The following RSRC1 variants were observed in gnomAD, a reference collection of about 807,000 sequenced individuals.
RSRC1 encodes serine/Arginine-related protein 53.
RSRC1 carries 39 observed loss-of-function variants against 49.1 expected under a neutral mutation model. The ratio of observed to expected loss-of-function variants is 0.79; its 90% CI spans 0.61 to 1.04. The LOEUF (loss-of-function observed/expected upper bound fraction) is 1.04, where lower values mean the gene tolerates loss of function less well. Among genes scored for constraint, RSRC1 ranks in the 50% least tolerant of loss-of-function variants. The pLI is 0.00. For synonymous variants in RSRC1, 143 were observed against 130.8 expected, an observed-to-expected ratio of 1.09 and a Z score of -0.63; for missense variants, 388 against 402.4, an observed-to-expected ratio of 0.96 and a Z score of 0.31.
At chr3:158,175,483 A>AT (rs138435487) in intron 3 of RSRC1, among the ~76,000 whole-genome samples, 18,465 of 150,986 alleles carry the variant, frequency 0.12, 1,399 homozygotes, top group Middle Eastern at 0.2. Flanking sequence ...GTATGGTATG[A>AT]TTTTTTTTTG....
intron 7 of RSRC1, among the ~76,000 whole-genome samples, chr3:158,531,600 A>G (rs571639083): frequency 5.3e-5 from 8 of 151,838 alleles, no homozygotes; most frequent in African/African-American, 1.9e-4. Context: ...TAAGCTTCCC[A>G]GAAGACTAAT....
chr3:158,115,932 C>T (rs1365724790), intron 1 of RSRC1, among the ~76,000 whole-genome samples: 1 of 152,100 alleles, frequency 6.6e-6, no homozygotes, highest in Non-Finnish European at 1.5e-5. Flanking sequence ...TTTGGTACTC[C>T]ATTATGTTAA....
At chr3:158,191,559 T>C (rs1353237638) in intron 3 of RSRC1, among the ~76,000 whole-genome samples, 1 of 152,062 alleles carries the variant, frequency 6.6e-6, no homozygotes, top group East Asian at 1.9e-4. Flanking sequence ...ATTCTGTAGA[T>C]ATTGAAAGCA....
intron 4 of RSRC1, among the ~76,000 whole-genome samples, chr3:158,286,854 T>G (rs537259752): frequency 6.6e-6 from 1 of 152,308 alleles, no homozygotes; most frequent in African/African-American, 2.4e-5. Context: ...ATGTTGCACT[T>G]TTCGCTCTGT....
intron 3 of RSRC1, among the ~76,000 whole-genome samples, chr3:158,160,684 T>C (rs1718163522): frequency 6.6e-6 from 1 of 152,202 alleles, no homozygotes; most frequent in Non-Finnish European, 1.5e-5. Context: ...AAAAGTGGGA[T>C]TACTTATTTG....
rs541668179 is a variant in RSRC1 at position 158,468,033 on chromosome 3, A to G, written c.652+7030A>G. Among the ~76,000 whole-genome samples the G allele has an allele frequency of 1.1e-4, 17 of 152,314 alleles. No homozygotes were observed. In the South Asian group the frequency reaches 3.5e-3, roughly 32 times the overall value. ...ACTGCAAGCTCTGCCTCCTGGGTTC[A>G]TGCCATTCTCCTGCCTCAGCCTCCC... On this transcript the variant is annotated intron_variant, in intron 7 of 9. Transcript: ENST00000611884.
intron 4 of RSRC1, among the ~76,000 whole-genome samples, chr3:158,285,731 T>C (rs977755707): frequency 7.9e-5 from 12 of 152,242 alleles, no homozygotes; most frequent in Admixed American, 2.6e-4. Context: ...GTGATTTTTG[T>C]ACATTGATTT....
intron 3 of RSRC1, among the ~76,000 whole-genome samples, chr3:158,196,132 A>G (rs1405602625): frequency 1.3e-5 from 2 of 151,842 alleles, no homozygotes; most frequent in Non-Finnish European, 2.9e-5. Context: ...ACTCACGAGC[A>G]TGGAATGTTC....
chr3:158,513,366 G>T (rs1035854119), intron 7 of RSRC1, among the ~76,000 whole-genome samples: 3 of 152,134 alleles, frequency 2.0e-5, no homozygotes, highest in Non-Finnish European at 2.9e-5. Flanking sequence ...TGCATCTATT[G>T]AGATAATCAT....
At chr3:158,308,703 T>TA (rs540236373) in intron 5 of RSRC1, among the ~76,000 whole-genome samples, 1 of 152,074 alleles carries the variant, frequency 6.6e-6, no homozygotes, top group South Asian at 2.1e-4. Context: ...CGCTTAATCT[T>TA]AATGGTATCT....
chr3:158,332,400 A>ACT (rs935061145), intron 5 of RSRC1, among the ~76,000 whole-genome samples: 6 of 150,620 alleles, frequency 4.0e-5, no homozygotes, highest in Non-Finnish European at 8.9e-5. Flanking sequence ...GGGGCAAAAA[A>ACT]CTGGTATGTT....
intron 6 of RSRC1, among the ~76,000 whole-genome samples, chr3:158,374,376 T>A (rs371091048): frequency 2.0e-5 from 3 of 152,118 alleles, no homozygotes; most frequent in Non-Finnish European, 4.4e-5. Flanking sequence ...AAAAAGAAGA[T>A]GAGAGGACGG....
intron 3 of RSRC1, among the ~76,000 whole-genome samples, chr3:158,136,018 G>C (rs923985000): frequency 3.3e-5 from 5 of 152,176 alleles, no homozygotes; most frequent in Admixed American, 2.0e-4. Flanking sequence ...TATGCATGCA[G>C]TCTTACTCAT....
intron 7 of RSRC1, among the ~76,000 whole-genome samples, chr3:158,521,073 G>A (rs1711646026): frequency 6.6e-6 from 1 of 152,148 alleles, no homozygotes; most frequent in South Asian, 2.1e-4. Flanking sequence ...AGACATAACA[G>A]AATGATTGCC....
chr3:158,270,578 A>G (rs567022979), intron 4 of RSRC1, among the ~76,000 whole-genome samples: 1 of 152,320 alleles, frequency 6.6e-6, no homozygotes, highest in South Asian at 2.1e-4. Flanking sequence ...CTGTGTTAAC[A>G]TGTTTGGTAC....
chr3:158,414,868 G>C (rs966092361), intron 6 of RSRC1, among the ~76,000 whole-genome samples: 1 of 151,992 alleles, frequency 6.6e-6, no homozygotes, highest in African/African-American at 2.4e-5. Flanking sequence ...TCTCGAATTT[G>C]ATTGTGTTCA....
At chr3:158,217,870 G>A (rs1722037922) in intron 4 of RSRC1, among the ~76,000 whole-genome samples, 1 of 151,444 alleles carries the variant, frequency 6.6e-6, no homozygotes, top group South Asian at 2.1e-4. Flanking sequence ...ATAATGGTGG[G>A]GACGGAGATG....
At chr3:158,276,517 C>G (rs1408523313) in intron 4 of RSRC1, 3 of 555,150 alleles carry the variant, frequency 5.4e-6, no homozygotes, top group Non-Finnish European at 9.5e-6. Flanking sequence ...TGTTACCCCT[C>G]TTTTCTCAAA....
chr3:158,451,936 A>G (rs1213368641), intron 6 of RSRC1, among the ~76,000 whole-genome samples: 1 of 152,072 alleles, frequency 6.6e-6, no homozygotes, highest in Non-Finnish European at 1.5e-5. Context: ...AGAGAAACTC[A>G]CTAGATACAT....
Sources: allele counts gnomAD v4.1 joint callset (sites outside exome capture counted in the v4.1 genomes callset), GRCh38; gene constraint gnomAD v4.1.1; transcripts MANE v1.5; gene names NCBI Gene and HGNC (gene_info 2026-07-23, HGNC 2026-07-21).